The following WNT9B variants were observed in gnomAD, a reference collection of about 807,000 sequenced individuals.
The protein encoded by WNT9B is protein Wnt-9b.
Under a neutral mutation model 30.2 loss-of-function variants are expected in WNT9B, and 12 were observed. That is an observed-to-expected ratio of 0.40 (90% CI 0.26 to 0.64). The LOEUF is 0.64. Among genes scored for constraint, WNT9B ranks in the 30% least tolerant of loss-of-function variants. WNT9B has a pLI of 0.42. For synonymous variants in WNT9B, 218 were observed against 216.9 expected, an observed-to-expected ratio of 1.01 and a Z score of -0.05; for missense variants, 442 against 485.2, an observed-to-expected ratio of 0.91 and a Z score of 0.84.
At position 46,874,970 on chromosome 17, in the gene WNT9B, T is replaced by C. The variant is rs189217213; in HGVS notation, c.335-131T>C. 329 of 1,426,012 alleles carry C rather than the reference T, an allele frequency of 2.3e-4. No individual in the cohort carries two copies. In the African/African-American group the frequency reaches 4.1e-3, roughly 18 times the overall value. The allele number at this position is 1,426,012 out of a possible 1,614,324, so 88.3% of individuals were successfully genotyped here. ...GGAGCTGTGTCCTCAAGCCACATTCTCTTGTCCTGCCCATCACAGCGCTGC... is the reference window on the plus strand; with the variant it reads ...GGAGCTGTGTCCTCAAGCCACATTCCCTTGTCCTGCCCATCACAGCGCTGC... On this transcript the variant is annotated intron_variant, in intron 2 of 3. Coordinates refer to ENST00000290015, the MANE Select transcript of WNT9B (RefSeq NM_003396.3).
At chr17:46,884,147 G>A (rs533218233), downstream of WNT9B, among the ~76,000 whole-genome samples, 111 of 152,192 alleles carry the variant, frequency 7.3e-4, no homozygotes, top group African/African-American at 2.7e-3. Flanking sequence ...GTAGCCCCCC[G>A]GGACCCCCAC....
chr17:46,879,572 T>C lies in WNT9B; in HGVS notation c.*2854T>C, dbSNP rs2085396487. On this transcript the variant is annotated 3_prime_UTR_variant, in exon 4 of 4. Coordinates refer to ENST00000290015, the MANE Select transcript of WNT9B (RefSeq NM_003396.3). ...TCTCACTTGATTTCTCCGTTATCTC[T>C]GTGAGGTAGGTGGGGCCACATTACT... Among the ~76,000 whole-genome samples the C allele has an allele frequency of 6.6e-6, 1 of 152,264 alleles. No homozygotes were observed. Among genetic ancestry groups the C allele is most frequent in the South Asian group, 2.1e-4 (1 of 4,836 alleles).
intron 1 of WNT9B, among the ~76,000 whole-genome samples, chr17:46,865,143 G>A (rs1026757899): frequency 1.3e-5 from 2 of 152,228 alleles, no homozygotes; most frequent in Non-Finnish European, 2.9e-5. Flanking sequence ...GCCCGAGCCT[G>A]AGTGGAGAGG....
intron 1 of WNT9B, among the ~76,000 whole-genome samples, chr17:46,862,561 G>A (rs1471280871): frequency 6.6e-6 from 1 of 152,144 alleles, no homozygotes; most frequent in Non-Finnish European, 1.5e-5. Flanking sequence ...GAGAGGTTGT[G>A]CAAGCTGAGT....
At chr17:46,836,089 C>T (rs909101943) in intron 1 of WNT9B, among the ~76,000 whole-genome samples, 2 of 76,654 alleles carry the variant, frequency 2.6e-5, no homozygotes, top group African/African-American at 1.4e-4. Context: ...GCTGGAGAGA[C>T]GCTGACGTGT....
At chr17:46,841,852 G>A (rs58818473) in intron 1 of WNT9B, among the ~76,000 whole-genome samples, 25,199 of 152,252 alleles carry the variant, frequency 0.17, 2,379 homozygotes, top group East Asian at 0.37. Context: ...AAAGTGAAGG[G>A]GTAGGCCGAC....
intron 2 of WNT9B, among the ~76,000 whole-genome samples, chr17:46,873,310 C>T (rs902037640): frequency 6.6e-6 from 1 of 152,084 alleles, no homozygotes; most frequent in African/African-American, 2.4e-5. Flanking sequence ...ACTCCACCCA[C>T]CCACTAAGCA....
At chr17:46,841,753 G>A (rs2084716739) in intron 1 of WNT9B, among the ~76,000 whole-genome samples, 1 of 152,252 alleles carries the variant, frequency 6.6e-6, no homozygotes, top group Non-Finnish European at 1.5e-5. Context: ...AGGTTCTGCA[G>A]TGTGAGGCAG....
intron 1 of WNT9B, among the ~76,000 whole-genome samples, chr17:46,869,719 C>A (rs1393083588): frequency 6.6e-6 from 1 of 152,206 alleles, no homozygotes; most frequent in Non-Finnish European, 1.5e-5. Flanking sequence ...ACAGCTTGGG[C>A]AGGGTGCAGT....
At chr17:46,854,378 A>G (rs867849818) in intron 1 of WNT9B, among the ~76,000 whole-genome samples, 6 of 152,194 alleles carry the variant, frequency 3.9e-5, no homozygotes, top group African/African-American at 7.2e-5. Flanking sequence ...TCCTGATAAG[A>G]GAATATGCAA....
chr17:46,876,222 C>G (rs1248659044), intron 3 of WNT9B, 23 bp from the exon 4 acceptor site: 2 of 1,580,066 alleles, frequency 1.3e-6, no homozygotes, highest in African/African-American at 1.3e-5. Flanking sequence ...TCTGACCACG[C>G]CTCTGTTCTG....
At position 46,879,334 on chromosome 17, in the gene WNT9B, A is replaced by G. The variant is rs1475499828; in HGVS notation, c.*2616A>G. Among the ~76,000 whole-genome samples, 1 of 152,086 alleles carries G rather than the reference A, an allele frequency of 6.6e-6. No homozygotes were observed. The highest frequency in any genetic ancestry group is 1.9e-4 in the East Asian group (1 of 5,170). On this transcript the variant is annotated 3_prime_UTR_variant, in exon 4 of 4. Coordinates refer to ENST00000290015, the MANE Select transcript of WNT9B (RefSeq NM_003396.3). ...TGACTGGGTCTGTCTCGGAGCTGGT[A>G]AGCACATGTCCGCTCTGTGATGAGC...
chr17:46,850,853 C>T (rs1373262992), upstream of WNT9B, among the ~76,000 whole-genome samples: 1 of 151,938 alleles, frequency 6.6e-6, no homozygotes. Context: ...CCGCAGGGCT[C>T]TGTCTGCCCC....
At chr17:46,836,062 G>T (rs902965016) in intron 1 of WNT9B, among the ~76,000 whole-genome samples, 10 of 150,038 alleles carry the variant, frequency 6.7e-5, no homozygotes, top group Non-Finnish European at 1.2e-4. Context: ...CACCTGCTGG[G>T]GCTCCCAGGA....
At chr17:46,854,673 T>C (rs997360580) in intron 1 of WNT9B, among the ~76,000 whole-genome samples, 2 of 152,174 alleles carry the variant, frequency 1.3e-5, no homozygotes, top group African/African-American at 4.8e-5. Flanking sequence ...CTCTTTTTTC[T>C]TTTTTTGAGA....
At chr17:46,859,560 C>T (rs1206473609) in intron 1 of WNT9B, among the ~76,000 whole-genome samples, 1 of 152,126 alleles carries the variant, frequency 6.6e-6, no homozygotes, top group Non-Finnish European at 1.5e-5. Context: ...AAAAATTTTT[C>T]CCCAATAAGC....
chr17:46,836,470 CTT>C (rs1271521971), intron 1 of WNT9B, among the ~76,000 whole-genome samples: 2 of 151,976 alleles, frequency 1.3e-5, no homozygotes, highest in Middle Eastern at 3.2e-3. Flanking sequence ...CTTTGAATAT[CTT>C]TGTGTTTTTT....
At chr17:46,838,900 C>T (rs950851122) in intron 1 of WNT9B, among the ~76,000 whole-genome samples, 37 of 152,016 alleles carry the variant, frequency 2.4e-4, no homozygotes, top group African/African-American at 5.6e-4. Flanking sequence ...TTTTCTGAGA[C>T]GGAGTCGCAC....
rs1454984324 is a variant in WNT9B at position 46,876,940 on chromosome 17, T to C, written c.*222T>C. 10 of 1,316,964 alleles carry C rather than the reference T, an allele frequency of 7.6e-6. No individual in the cohort carries two copies. Among genetic ancestry groups the C allele is most frequent in the Non-Finnish European group, 9.6e-6 (10 of 1,036,282 alleles). The allele number at this position is 1,316,964 out of a possible 1,614,324, so 81.6% of individuals were successfully genotyped here. ...AAAGCCTCCTCCCTTAACCCAAGCA[T>C]CCCCAACCTTGTTGAGGACTTGGAG... On this transcript the variant is annotated 3_prime_UTR_variant, in exon 4 of 4. Transcript: ENST00000290015.
Sources: allele counts gnomAD v4.1 joint callset (sites outside exome capture counted in the v4.1 genomes callset), GRCh38; gene constraint gnomAD v4.1.1; transcripts MANE v1.5; gene names NCBI Gene and HGNC (gene_info 2026-07-23, HGNC 2026-07-21).